DNAJC1: variants seen among roughly 807,000 people sequenced by gnomAD.
DNAJC1 encodes DnaJ heat shock protein family (Hsp40) member C1, also known as dnaJ homolog subfamily C member 1.
DNAJC1 carries 58 observed loss-of-function variants against 76.6 expected under a neutral mutation model. The ratio of observed to expected loss-of-function variants is 0.76; its 90% CI spans 0.61 to 0.94. DNAJC1 has a LOEUF of 0.94. Among genes scored for constraint, DNAJC1 ranks in the 40% least tolerant of loss-of-function variants. The pLI is 0.00. For missense variants in DNAJC1, 689 were observed against 677.3 expected, an observed-to-expected ratio of 1.02 and a Z score of -0.19; for synonymous variants, 258 against 267.9, an observed-to-expected ratio of 0.96 and a Z score of 0.36.
chr10:21,944,779 A>T (rs1336267817), intron 1 of DNAJC1, among the ~76,000 whole-genome samples: 1 of 152,236 alleles, frequency 6.6e-6, no homozygotes, highest in Non-Finnish European at 1.5e-5. Context: ...AAAATAAAAA[A>T]TAAACAGGAA....
In DNAJC1 at chr10:21,828,588, C is replaced by G. The variant is rs184016757; in HGVS notation, c.979-22489G>C. On this transcript the variant is annotated intron_variant, in intron 8 of 11. Coordinates refer to ENST00000376980, the MANE Select transcript of DNAJC1 (RefSeq NM_022365.4). ...ATTTAAACATATGATAGAAGTAGAACCAATAACATAATAAATCCTCATGTA... is the reference window on the plus strand; with the variant it reads ...ATTTAAACATATGATAGAAGTAGAAGCAATAACATAATAAATCCTCATGTA... 5.5e-4 allele frequency among the ~76,000 whole-genome samples: 83 copies of G among 152,212 alleles called. 2 individuals are homozygous for G. The East Asian group carries it at 0.015, about 28-fold the overall frequency.
At position 21,759,279 on chromosome 10, in the gene DNAJC1, G is replaced by C. The variant is rs755533658; in HGVS notation, c.1487C>G (p.Pro496Arg). The change falls in exon 11 of 12, where the codon CCG becomes CGG. Residue 496 changes from proline (P) to arginine (R), a missense_variant. Coordinates refer to ENST00000376980, the MANE Select transcript of DNAJC1 (RefSeq NM_022365.4). ...RKERARSAEE[P>R]WTQNQQKLLE... ...AAGTTTCTGTTGATTTTGAGTCCACGGCTCCTCTGCAGACCGAGCTCTCTC... is the reference window on the plus strand; with the variant it reads ...AAGTTTCTGTTGATTTTGAGTCCACCGCTCCTCTGCAGACCGAGCTCTCTC... 1 of 1,614,194 alleles carries C rather than the reference G, an allele frequency of 6.2e-7. No individual in the cohort carries two copies. The highest frequency in any genetic ancestry group is 1.1e-5 in the South Asian group (1 of 91,080).
intron 8 of DNAJC1, among the ~76,000 whole-genome samples, chr10:21,833,402 C>T (rs188501722): frequency 2.0e-4 from 30 of 152,198 alleles, no homozygotes; most frequent in Admixed American, 9.2e-4. Context: ...ACCTAGGAGG[C>T]GGAGGTTGCA....
At chr10:21,957,035 G>A (rs1359130291) in intron 1 of DNAJC1, among the ~76,000 whole-genome samples, 1 of 151,748 alleles carries the variant, frequency 6.6e-6, no homozygotes, top group Non-Finnish European at 1.5e-5. Context: ...GGGATTACAG[G>A]TACCCGCCAC....
chr10:21,929,413 G>C (rs532058110), intron 1 of DNAJC1, among the ~76,000 whole-genome samples: 1 of 152,102 alleles, frequency 6.6e-6, no homozygotes, highest in Non-Finnish European at 1.5e-5. Flanking sequence ...TCAAACACTT[G>C]CCTTCCTAAA....
intron 8 of DNAJC1, among the ~76,000 whole-genome samples, chr10:21,881,196 A>T (rs1009347457): frequency 2.0e-5 from 3 of 152,208 alleles, no homozygotes; most frequent in African/African-American, 4.8e-5. Flanking sequence ...GCTCAAGAGA[A>T]TGTTGTGGCT....
At chr10:21,897,980 C>T (rs1836571975) in intron 7 of DNAJC1, among the ~76,000 whole-genome samples, 1 of 152,132 alleles carries the variant, frequency 6.6e-6, no homozygotes, top group Non-Finnish European at 1.5e-5. Context: ...TCCAAGGAAT[C>T]TACATTAAAA....
At chr10:21,905,965 A>T (rs966956103) in intron 6 of DNAJC1, among the ~76,000 whole-genome samples, 7 of 152,138 alleles carry the variant, frequency 4.6e-5, no homozygotes, top group African/African-American at 1.7e-4. Flanking sequence ...TTTGACTCAG[A>T]TGTAAATACA....
At chr10:21,943,472 T>C (rs922748602) in intron 1 of DNAJC1, among the ~76,000 whole-genome samples, 1 of 152,234 alleles carries the variant, frequency 6.6e-6, no homozygotes, top group African/African-American at 2.4e-5. Context: ...TTCTGCCTAC[T>C]GTACCTTCCA....
intron 8 of DNAJC1, among the ~76,000 whole-genome samples, chr10:21,861,070 T>C (rs1358679770): frequency 6.6e-6 from 1 of 152,136 alleles, no homozygotes; most frequent in East Asian, 1.9e-4. Flanking sequence ...CCAAATAAGG[T>C]CACATTCTAA....
intron 9 of DNAJC1, among the ~76,000 whole-genome samples, chr10:21,788,969 T>G (rs1352405556): frequency 1.3e-5 from 2 of 151,856 alleles, no homozygotes; most frequent in African/African-American, 4.8e-5. Flanking sequence ...AGAGCAAGCT[T>G]GCACCCCAAG....
intron 8 of DNAJC1, among the ~76,000 whole-genome samples, chr10:21,877,281 A>G (rs1372028335): frequency 3.1e-5 from 3 of 95,278 alleles, no homozygotes; most frequent in African/African-American, 5.3e-5. Context: ...CTCCAAAAAC[A>G]AAATACATAT....
chr10:21,809,344 T>C (rs1179521746), intron 8 of DNAJC1, among the ~76,000 whole-genome samples: 1 of 151,920 alleles, frequency 6.6e-6, no homozygotes, highest in African/African-American at 2.4e-5. Flanking sequence ...TGAAACTCTC[T>C]AATGAGCAAT....
chr10:21,776,912 C>T (rs1418504109), intron 9 of DNAJC1, among the ~76,000 whole-genome samples: 1 of 152,136 alleles, frequency 6.6e-6, no homozygotes, highest in Non-Finnish European at 1.5e-5. Context: ...ACATATTCAC[C>T]ATATTATTCT....
chr10:21,819,050 G>A (rs942155093), intron 8 of DNAJC1, among the ~76,000 whole-genome samples: 3 of 152,124 alleles, frequency 2.0e-5, no homozygotes, highest in Non-Finnish European at 4.4e-5. Flanking sequence ...CTAATAGAAA[G>A]ACTTTACAAT....
At chr10:21,862,595 A>C (rs1835933163) in intron 8 of DNAJC1, among the ~76,000 whole-genome samples, 1 of 151,564 alleles carries the variant, frequency 6.6e-6, no homozygotes, top group Non-Finnish European at 1.5e-5. Context: ...CGCCTGGCTA[A>C]TTTTTGTATT....
intron 8 of DNAJC1, among the ~76,000 whole-genome samples, chr10:21,856,744 T>C (rs1249340486): frequency 6.6e-6 from 1 of 152,080 alleles, no homozygotes; most frequent in Non-Finnish European, 1.5e-5. Flanking sequence ...AAAAAAAATT[T>C]TTTTTTTTTG....
chr10:21,759,122 T>C (rs773378885), intron 11 of DNAJC1, 48 bp downstream of exon 11: 2 of 1,553,218 alleles, frequency 1.3e-6, no homozygotes, highest in South Asian at 1.2e-5. Flanking sequence ...GTGGCTCCTC[T>C]GGTGGGATTC....
chr10:21,775,177 C>T (rs1834438136), intron 9 of DNAJC1, among the ~76,000 whole-genome samples: 1 of 151,894 alleles, frequency 6.6e-6, no homozygotes, highest in African/African-American at 2.4e-5. Flanking sequence ...ACTTAAAAGG[C>T]AACTTACAAC....
Sources: allele counts gnomAD v4.1 joint callset (sites outside exome capture counted in the v4.1 genomes callset), GRCh38; gene constraint gnomAD v4.1.1; transcripts MANE v1.5; gene names NCBI Gene and HGNC (gene_info 2026-07-23, HGNC 2026-07-21).